The following AKR1C8 variants were observed in gnomAD, a reference collection of about 807,000 sequenced individuals.
AKR1C8 encodes the protein aldo-keto reductase family 1 member C8.
At chr10:5,161,384 G>C in the AKR1C8 span, among the ~76,000 whole-genome samples, 2 of 152,166 alleles carry the variant, frequency 1.3e-5, no homozygotes, top group Non-Finnish European at 2.9e-5. Context: ...GATCAGCGGA[G>C]CCCAAAGGAG....
At chr10:5,156,525 G>GATCTATCTATCTATCT in the AKR1C8 span, among the ~76,000 whole-genome samples, 12,262 of 140,960 alleles carry the variant, frequency 0.087, 593 homozygotes, top group Non-Finnish European at 0.12. Flanking sequence ...GAAAGACTCA[G>GATCTATCTATCTATCT]ATCTATCTAT....
the AKR1C8 span, among the ~76,000 whole-genome samples, chr10:5,162,442 T>C: frequency 6.6e-6 from 1 of 152,222 alleles, no homozygotes; most frequent in Non-Finnish European, 1.5e-5. Flanking sequence ...GATTTCCATC[T>C]AGGACAATTT....
chr10:5,178,465 G>A, the AKR1C8 span, among the ~76,000 whole-genome samples: 1 of 152,140 alleles, frequency 6.6e-6, no homozygotes, highest in Non-Finnish European at 1.5e-5. Context: ...TGTTGATTTT[G>A]GGTGGAGAGT....
the AKR1C8 span, chr10:5,154,790 A>C: frequency 6.6e-6 from 1 of 152,396 alleles, no homozygotes; most frequent in African/African-American, 2.4e-5. Flanking sequence ...CTCTCTATTT[A>C]GCCTTCTCTC....
the AKR1C8 span, among the ~76,000 whole-genome samples, chr10:5,138,155 T>C: frequency 6.6e-6 from 1 of 152,044 alleles, no homozygotes; most frequent in South Asian, 2.1e-4. Flanking sequence ...GACCACAAAT[T>C]TACCAGAGTG....
the AKR1C8 span, among the ~76,000 whole-genome samples, chr10:5,174,456 G>A: frequency 6.6e-6 from 1 of 151,958 alleles, no homozygotes; most frequent in Admixed American, 6.6e-5. Flanking sequence ...TGTGATATGT[G>A]TTATACAAGT....
At chr10:5,124,737 A>G in the AKR1C8 span, among the ~76,000 whole-genome samples, 1 of 152,176 alleles carries the variant, frequency 6.6e-6, no homozygotes, top group Non-Finnish European at 1.5e-5. Context: ...ATTATCATCC[A>G]GCAGATTACT....
the AKR1C8 span, among the ~76,000 whole-genome samples, chr10:5,145,948 C>T: frequency 6.6e-6 from 1 of 151,854 alleles, no homozygotes; most frequent in Non-Finnish European, 1.5e-5. Flanking sequence ...GGAACCAACC[C>T]AAATGTCCAA....
At chr10:5,176,970 T>G in the AKR1C8 span, among the ~76,000 whole-genome samples, 1 of 152,108 alleles carries the variant, frequency 6.6e-6, no homozygotes, top group Non-Finnish European at 1.5e-5. Flanking sequence ...ACCCTTTATT[T>G]CCTTCTCCTG....
the AKR1C8 span, chr10:5,161,812 TG>T: frequency 3.7e-6 from 2 of 534,536 alleles, no homozygotes; most frequent in Non-Finnish European, 7.7e-6. Context: ...CTTATAACCA[TG>T]ATGAAACAGT....
chr10:5,171,111 A>G, the AKR1C8 span, among the ~76,000 whole-genome samples: 1 of 152,102 alleles, frequency 6.6e-6, no homozygotes, highest in Non-Finnish European at 1.5e-5. Flanking sequence ...ATTAATTAAC[A>G]TTTTAGCTCT....
chr10:5,124,075 A>G, the AKR1C8 span, among the ~76,000 whole-genome samples: 1 of 152,158 alleles, frequency 6.6e-6, no homozygotes, highest in East Asian at 1.9e-4. Context: ...ACTACCTTTG[A>G]CCACTAGAAG....
the AKR1C8 span, chr10:5,160,910 T>C: frequency 2.1e-6 from 1 of 470,964 alleles, no homozygotes; most frequent in South Asian, 1.5e-5. Context: ...GAAAAGAAGA[T>C]AAAGAAGGAC....
At chr10:5,143,759 T>C in the AKR1C8 span, among the ~76,000 whole-genome samples, 1 of 148,826 alleles carries the variant, frequency 6.7e-6, no homozygotes, top group African/African-American at 2.4e-5. Flanking sequence ...CTATATATAT[T>C]TTAGATTTCT....
At chr10:5,132,662 GGCCAGTCCA>G in the AKR1C8 span, 1 of 1,591,438 alleles carries the variant, frequency 6.3e-7, no homozygotes, top group Admixed American at 1.7e-5. Flanking sequence ...TGCTTCAGAT[GGCCAGTCCA>G]ACCTGCTCCT....
chr10:5,145,721 G>A, the AKR1C8 span, among the ~76,000 whole-genome samples: 3 of 152,194 alleles, frequency 2.0e-5, no homozygotes, highest in African/African-American at 7.2e-5. Context: ...AGGATGTGGA[G>A]AAATAGGAAC....
the AKR1C8 span, among the ~76,000 whole-genome samples, chr10:5,144,508 A>T: frequency 1.7e-4 from 25 of 151,400 alleles, no homozygotes; most frequent in African/African-American, 5.6e-4. Context: ...ACCCATGAGC[A>T]TGGAATGTTC....
chr10:5,144,904 T>G, the AKR1C8 span, among the ~76,000 whole-genome samples: 110 of 152,028 alleles, frequency 7.2e-4, no homozygotes, highest in Non-Finnish European at 1.4e-3. Flanking sequence ...CTTCCAACAC[T>G]ATGTTGAATA....
At chr10:5,183,199 A>C in the AKR1C8 span, among the ~76,000 whole-genome samples, 3 of 152,176 alleles carry the variant, frequency 2.0e-5, no homozygotes, top group African/African-American at 7.2e-5. Context: ...GTAAAAGATA[A>C]ATAATATAAA....
Sources: allele counts gnomAD v4.1 joint callset (sites outside exome capture counted in the v4.1 genomes callset), GRCh38; gene constraint gnomAD v4.1.1; transcripts MANE v1.5; gene names NCBI Gene and HGNC (gene_info 2026-07-23, HGNC 2026-07-21).